EPG5: variants seen among roughly 807,000 people sequenced by gnomAD.
EPG5 encodes ectopic P-granules 5 autophagy tethering factor, also known as ectopic P granules protein 5 homolog.
EPG5 carries 159 observed loss-of-function variants against 302.7 expected under a neutral mutation model. That is an observed-to-expected ratio of 0.53 (90% CI 0.46 to 0.60). EPG5 has a LOEUF of 0.60. EPG5 is among the 20% of genes least tolerant of loss of function. The pLI is 0.00. For missense variants in EPG5, 2,896 were observed against 3,092.4 expected (o/e 0.94, Z 1.51); for synonymous variants, 1,158 against 1,136.8 (o/e 1.02, Z -0.37).
the EPG5 span, among the ~76,000 whole-genome samples, chr18:45,817,656 T>C: frequency 6.6e-6 from 1 of 152,242 alleles, no homozygotes; most frequent in Non-Finnish European, 1.5e-5. Flanking sequence ...CTGCTATTGG[T>C]GAGAAGGCTC....
intron 27 of EPG5, among the ~76,000 whole-genome samples, chr18:45,892,704 A>G (rs1240758772): frequency 6.6e-6 from 1 of 152,214 alleles, no homozygotes; most frequent in Non-Finnish European, 1.5e-5. Context: ...AGCATGTCTC[A>G]CTTCCCATAA....
In EPG5 at chr18:45,852,338, T is replaced by G. The variant is rs949387456; in HGVS notation, c.*129A>C. 6 of 763,640 alleles carry G rather than the reference T, an allele frequency of 7.9e-6. No homozygotes were observed. The highest frequency in any genetic ancestry group is 1.0e-5 in the Non-Finnish European group (5 of 477,016). The allele number at this position is 763,640 out of a possible 1,614,324, so 47.3% of individuals were successfully genotyped here. On this transcript the variant is annotated 3_prime_UTR_variant, in exon 44 of 44. Coordinates refer to ENST00000282041, the MANE Select transcript of EPG5 (RefSeq NM_020964.3). ...TATCTAATATCTAACGCCTCCCAAC[T>G]TGCATCTCAGTCAACTACACATTGG...
the EPG5 span, among the ~76,000 whole-genome samples, chr18:45,808,050 G>T: frequency 1.3e-5 from 2 of 152,082 alleles, no homozygotes; most frequent in African/African-American, 4.8e-5. Flanking sequence ...GAAACTTCAG[G>T]AAACAATGGA....
At position 45,848,492 on chromosome 18, in the gene EPG5, C is replaced by G. The variant is rs62095365; in HGVS notation, c.*3975G>C. Reference sequence around the variant, plus strand: ...ACAGCTACTGAAAGCTGATGCTGCCCAAGCATTTAGGGAGATAATTATGCC... The same window carrying G: ...ACAGCTACTGAAAGCTGATGCTGCCGAAGCATTTAGGGAGATAATTATGCC... On this transcript the variant is annotated 3_prime_UTR_variant, in exon 44 of 44. Coordinates refer to ENST00000282041, the MANE Select transcript of EPG5 (RefSeq NM_020964.3). 2 of 152,232 alleles carry G rather than the reference C, an allele frequency of 1.3e-5. No individual in the cohort carries two copies. Among genetic ancestry groups the G allele is most frequent in the African/African-American group, 2.4e-5 (1 of 41,448 alleles). The allele number at this position is 152,232 out of a possible 1,614,324, so 9.4% of individuals were successfully genotyped here.
At chr18:45,811,655 A>G in the EPG5 span, among the ~76,000 whole-genome samples, 19 of 152,374 alleles carry the variant, frequency 1.2e-4, no homozygotes, top group Middle Eastern at 3.4e-3. Context: ...AACAGAACCA[A>G]AGACAAAAAC....
the EPG5 span, among the ~76,000 whole-genome samples, chr18:45,828,536 G>A: frequency 2.0e-5 from 3 of 152,168 alleles, no homozygotes; most frequent in East Asian, 3.9e-4. Flanking sequence ...GCCTGTGATA[G>A]GCAGATATCA....
chr18:45,949,935 T>C (rs959810974), intron 4 of EPG5, among the ~76,000 whole-genome samples: 15 of 152,192 alleles, frequency 9.9e-5, no homozygotes, highest in Non-Finnish European at 2.1e-4. Flanking sequence ...CTTGAAACAT[T>C]ATCCTTCATT....
At chr18:45,858,243 C>T (rs1040089898) in intron 41 of EPG5, among the ~76,000 whole-genome samples, 175 bp from the exon 42 acceptor site, 1 of 152,154 alleles carries the variant, frequency 6.6e-6, no homozygotes, top group Non-Finnish European at 1.5e-5. Flanking sequence ...CTGTGGAACA[C>T]CTACTACACG....
intron 43 of EPG5, among the ~76,000 whole-genome samples, chr18:45,853,286 C>T (rs2048451362): frequency 6.6e-6 from 1 of 152,242 alleles, no homozygotes; most frequent in Non-Finnish European, 1.5e-5. Context: ...CCGAATCCAT[C>T]TGACAAATGA....
At chr18:45,888,641 C>T (rs1346966011) in intron 28 of EPG5, among the ~76,000 whole-genome samples, 1 of 151,572 alleles carries the variant, frequency 6.6e-6, no homozygotes, top group Non-Finnish European at 1.5e-5. Context: ...GGTTTCACCA[C>T]GTTGGTCAGG....
At chr18:45,936,526 G>T (rs770457203) in intron 10 of EPG5, among the ~76,000 whole-genome samples, 1 of 151,964 alleles carries the variant, frequency 6.6e-6, no homozygotes, top group African/African-American at 2.4e-5. Context: ...TCAGGAGTTC[G>T]AGACCAGCTT....
At chr18:45,912,119 A>G (rs1479942899) in intron 22 of EPG5, among the ~76,000 whole-genome samples, 171 bp downstream of exon 22, 3 of 151,014 alleles carry the variant, frequency 2.0e-5, no homozygotes, top group African/African-American at 7.3e-5. Flanking sequence ...CCAGCAACTC[A>G]ATAAAGATCC....
At chr18:45,813,084 C>A in the EPG5 span, among the ~76,000 whole-genome samples, 1 of 151,604 alleles carries the variant, frequency 6.6e-6, no homozygotes, top group Non-Finnish European at 1.5e-5. Flanking sequence ...AAAAAAACAA[C>A]CCCATCAAAA....
intron 25 of EPG5, among the ~76,000 whole-genome samples, chr18:45,901,580 C>T (rs190355475): frequency 8.6e-5 from 13 of 152,012 alleles, no homozygotes; most frequent in Admixed American, 7.9e-4. Flanking sequence ...GGAATATAGC[C>T]GAGTCAAAAA....
intron 16 of EPG5, among the ~76,000 whole-genome samples, chr18:45,919,535 CAG>C (rs1386482094): frequency 1.4e-5 from 2 of 143,918 alleles, no homozygotes; most frequent in Admixed American, 7.0e-5. Flanking sequence ...TTTTTTGAGA[CAG>C]AGTCTCGCTC....
chr18:45,845,823 C>A (rs1307097848), downstream of EPG5, among the ~76,000 whole-genome samples: 5 of 152,156 alleles, frequency 3.3e-5, no homozygotes, highest in Non-Finnish European at 7.4e-5. Context: ...AGGAAGTGGC[C>A]GGCAACTACC....
At chr18:45,813,064 A>C in the EPG5 span, among the ~76,000 whole-genome samples, 14 of 152,334 alleles carry the variant, frequency 9.2e-5, no homozygotes, top group African/African-American at 1.4e-4. Context: ...AACTCAAACA[A>C]ATTTACAAGA....
chr18:45,945,437 C>G (rs891097697), intron 7 of EPG5, among the ~76,000 whole-genome samples: 1 of 152,148 alleles, frequency 6.6e-6, no homozygotes, highest in African/African-American at 2.4e-5. Context: ...GGTAATGGCA[C>G]TCCCAACTTT....
Position 45,876,303 on chromosome 18 carries a change from A to C in EPG5, c.5982T>G (p.Thr1994=). 6.2e-7 allele frequency: 1 copy of C among 1,614,116 alleles called. No homozygotes were observed. Among genetic ancestry groups the C allele is most frequent in the Non-Finnish European group, 8.5e-7 (1 of 1,179,984 alleles). Residue 1994 remains threonine, a synonymous_variant, in exon 35 of 44, where the codon ACT becomes ACG. Transcript: ENST00000282041. ...GCTGCACAATGCTTGAGGCCACCACAGTATCACTCTCTAGCCAGGGGTAAT... is the reference window on the plus strand; with the variant it reads ...GCTGCACAATGCTTGAGGCCACCACCGTATCACTCTCTAGCCAGGGGTAAT... The part of the protein sequence containing the change: ...QRHYPWLESD[T]VVASSIVQLF...
Sources: allele counts gnomAD v4.1 joint callset (sites outside exome capture counted in the v4.1 genomes callset), GRCh38; gene constraint gnomAD v4.1.1; transcripts MANE v1.5; gene names NCBI Gene and HGNC (gene_info 2026-07-23, HGNC 2026-07-21).